Variants in STON2 observed in about 807,000 individuals in gnomAD.
STON2 encodes the protein stonin 2, also known as stonin-2.
A neutral mutation model predicts 65.7 loss-of-function variants in STON2; 29 were observed. That is an observed-to-expected ratio of 0.44 (90% CI 0.33 to 0.60). The LOEUF is 0.60. Among genes scored for constraint, STON2 ranks in the 20% least tolerant of loss-of-function variants. The pLI is 0.03. For missense variants in STON2, 1,054 were observed against 1,118.1 expected (o/e 0.94, Z 0.82); for synonymous variants, 404 against 414.2 (o/e 0.98, Z 0.30).
chr14:81,353,581 C>G (rs1898105585), intron 4 of STON2, among the ~76,000 whole-genome samples: 1 of 152,192 alleles, frequency 6.6e-6, no homozygotes, highest in East Asian at 1.9e-4. Flanking sequence ...TTACTCCTCC[C>G]CTTCCCCCAC....
intron 6 of STON2, among the ~76,000 whole-genome samples, 186 bp downstream of exon 6, chr14:81,276,715 G>A (rs1268629219): frequency 1.3e-5 from 2 of 152,192 alleles, no homozygotes; most frequent in Non-Finnish European, 2.9e-5. Context: ...AAAAGACAGA[G>A]TGAACTGGGT....
chr14:81,293,384 G>C (rs1895639097), intron 5 of STON2, among the ~76,000 whole-genome samples: 1 of 152,052 alleles, frequency 6.6e-6, no homozygotes, highest in African/African-American at 2.4e-5. Context: ...ATGTTGGCCA[G>C]GATGGTCTCG....
chr14:81,363,036 A>G (rs1000278857), intron 4 of STON2, among the ~76,000 whole-genome samples: 3 of 152,208 alleles, frequency 2.0e-5, no homozygotes, highest in African/African-American at 7.2e-5. Flanking sequence ...TGCTCCTTCC[A>G]GCAAGCGACT....
At chr14:81,332,154 G>A (rs370513063) in intron 4 of STON2, among the ~76,000 whole-genome samples, 18 of 152,162 alleles carry the variant, frequency 1.2e-4, no homozygotes, top group African/African-American at 3.9e-4. Context: ...TGCAGAGGCT[G>A]TGGGCCTCCC....
At chr14:81,316,866 A>G (rs1385329523) in intron 5 of STON2, among the ~76,000 whole-genome samples, 3 of 152,116 alleles carry the variant, frequency 2.0e-5, no homozygotes, top group African/African-American at 7.2e-5. Flanking sequence ...CAAAAATACA[A>G]AAAATTAGCC....
At chr14:81,361,068 C>T (rs926291480) in intron 4 of STON2, among the ~76,000 whole-genome samples, 2 of 151,960 alleles carry the variant, frequency 1.3e-5, no homozygotes, top group African/African-American at 4.8e-5. Flanking sequence ...ACCATACCAC[C>T]CAAAGCAATC....
chr14:81,371,109 G>A lies in STON2; in HGVS notation c.450C>T (p.Ser150=), dbSNP rs138198130. ...TGTCTTCAGAATGGGTGGTCCAGCT[G>A]CTCTCAGAAGTCAGAGGGCATCTCC... The part of the protein sequence containing the change: ...SLGRCPLTSE[S]SWTTHSEDTS... Residue 150 remains serine (S), a synonymous_variant, in exon 4 of 8, where the codon AGC becomes AGT. Transcript: ENST00000614646. The A allele has an allele frequency of 3.7e-5, 59 of 1,614,008 alleles. No homozygotes were observed. The African/African-American group carries it at 6.7e-4, about 18-fold the overall frequency.
upstream of STON2, among the ~76,000 whole-genome samples, chr14:81,404,181 G>C (rs891148463): frequency 6.6e-6 from 1 of 152,116 alleles, no homozygotes; most frequent in African/African-American, 2.4e-5. Context: ...TCTAGATATA[G>C]GGAAATATGT....
At chr14:81,402,267 T>C (rs1900646333), upstream of STON2, among the ~76,000 whole-genome samples, 1 of 152,106 alleles carries the variant, frequency 6.6e-6, no homozygotes, top group Non-Finnish European at 1.5e-5. Context: ...CTCCGGTGTG[T>C]CTCACAAAGT....
intron 3 of STON2, among the ~76,000 whole-genome samples, chr14:81,388,679 G>A (rs574072788): frequency 1.3e-5 from 2 of 152,130 alleles, no homozygotes; most frequent in Non-Finnish European, 2.9e-5. Context: ...TGCTCGCTTG[G>A]CTTTATTCTT....
intron 4 of STON2, among the ~76,000 whole-genome samples, chr14:81,336,179 G>C (rs977524152): frequency 6.6e-6 from 1 of 152,174 alleles, no homozygotes; most frequent in Non-Finnish European, 1.5e-5. Context: ...CCGTACAATA[G>C]CTGAGAACAG....
In STON2 at chr14:81,277,100, C is replaced by G; in HGVS notation, c.2382G>C (p.Glu794Asp). 6.2e-7 allele frequency: 1 copy of G among 1,614,228 alleles called. No homozygotes were observed. The highest frequency in any genetic ancestry group is 8.5e-7 in the Non-Finnish European group (1 of 1,180,040). The change falls in exon 6 of 8, where the codon GAG becomes GAC. Residue 794 changes from glutamate (E) to aspartate (D), a missense_variant. Coordinates refer to ENST00000614646, the MANE Select transcript of STON2 (RefSeq NM_001394390.1). Reference protein sequence around the residue: ...NVMIRYPVPSEWVKNFRRESV... With the variant: ...NVMIRYPVPSDWVKNFRRESV... ...TTTCCCTGCGGAAGTTTTTCACCCA[C>G]TCACTGGGCACAGGGTAACGGATCA...
intron 4 of STON2, among the ~76,000 whole-genome samples, chr14:81,330,430 G>A (rs1457876865): frequency 2.0e-5 from 3 of 147,846 alleles, no homozygotes; most frequent in South Asian, 2.1e-4. Context: ...ATTTAGAGAT[G>A]GTGTCTTTTT....
rs182528229 is a variant in STON2 at position 81,265,392 on chromosome 14, C to T, written c.*3022G>A. The stretch of plus-strand genomic sequence containing the variant: ...TTTGTGGGTCCAGCATGGTGGCTCA[C>T]GCCTGTAATCCCAGAGCTTTGGGAG... On this transcript the variant is annotated 3_prime_UTR_variant, in exon 8 of 8. Transcript: ENST00000614646. The T allele has an allele frequency of 1.1e-4, 105 of 967,292 alleles. No individual in the cohort carries two copies. Among genetic ancestry groups the T allele is most frequent in the South Asian group, 4.3e-4 (9 of 20,872 alleles). 59.9% of individuals were successfully genotyped at this position (967,292 alleles called of 1,614,324 possible).
intron 5 of STON2, among the ~76,000 whole-genome samples, chr14:81,302,989 T>C (rs1319068333): frequency 6.6e-6 from 1 of 152,216 alleles, no homozygotes; most frequent in East Asian, 1.9e-4. Context: ...GCTGAGTTGA[T>C]TGCTTTTGTT....
At chr14:81,313,155 C>A (rs952107756) in intron 5 of STON2, among the ~76,000 whole-genome samples, 1 of 152,172 alleles carries the variant, frequency 6.6e-6, no homozygotes, top group African/African-American at 2.4e-5. Context: ...AAAGACTTAC[C>A]AGTCCAGGCA....
chr14:81,427,685 A>C (rs954307577), intron 1 of STON2, among the ~76,000 whole-genome samples: 1 of 151,922 alleles, frequency 6.6e-6, no homozygotes, highest in Non-Finnish European at 1.5e-5. Flanking sequence ...CTTTTTAGAG[A>C]TCATAACAAA....
intron 5 of STON2, among the ~76,000 whole-genome samples, chr14:81,288,343 G>C (rs2140148371): frequency 6.6e-6 from 1 of 152,322 alleles, no homozygotes; most frequent in Middle Eastern, 3.4e-3. Context: ...CACCTAGGTA[G>C]TATATCATCA....
intron 4 of STON2, among the ~76,000 whole-genome samples, chr14:81,359,632 G>C (rs774259999): frequency 1.3e-4 from 19 of 151,978 alleles, no homozygotes; most frequent in Non-Finnish European, 2.4e-4. Context: ...CTTTTAGCTA[G>C]ACTAAGAAAA....
Sources: gnomAD v4.1 joint callset for allele counts (sites outside exome capture counted in the v4.1 genomes callset) on GRCh38, gnomAD v4.1.1 for gene constraint, MANE v1.5 for transcripts, NCBI Gene and HGNC (gene_info 2026-07-23, HGNC 2026-07-21) for gene names.